Variants in GABRB1 observed in about 807,000 individuals in gnomAD.
GABRB1 encodes gamma-aminobutyric acid type A receptor subunit beta1, also known as gamma-aminobutyric acid receptor subunit beta-1.
In GABRB1, 17 loss-of-function variants were observed where a neutral mutation model predicts 51.6. The ratio of observed to expected loss-of-function variants is 0.33; its 90% confidence interval spans 0.23 to 0.49. The LOEUF (loss-of-function observed/expected upper bound fraction) is 0.49, where lower values mean the gene tolerates loss of function less well. Among genes scored for constraint, GABRB1 ranks in the 20% least tolerant of loss-of-function variants. The pLI, the probability that GABRB1 is intolerant of heterozygous loss-of-function variation, is 0.99. For synonymous variants in GABRB1, 247 were observed against 218.9 expected, an observed-to-expected ratio of 1.13 and a Z score of -1.14; for missense variants, 410 against 600.6, an observed-to-expected ratio of 0.68 and a Z score of 3.32.
chr4:47,171,753 G>T (rs1718442279), intron 4 of GABRB1, among the ~76,000 whole-genome samples: 1 of 152,042 alleles, frequency 6.6e-6, no homozygotes, highest in Admixed American at 6.6e-5. Flanking sequence ...CTCATTTATA[G>T]AATTGAGATA....
intron 5 of GABRB1, among the ~76,000 whole-genome samples, chr4:47,326,731 A>G (rs1051451946): frequency 4.6e-5 from 7 of 152,184 alleles, no homozygotes; most frequent in African/African-American, 1.7e-4. Flanking sequence ...AGCCCTCACC[A>G]GACACTAAAA....
upstream of GABRB1, among the ~76,000 whole-genome samples, chr4:47,028,132 A>G (rs1460518161): frequency 6.6e-6 from 1 of 151,726 alleles, no homozygotes; most frequent in Non-Finnish European, 1.5e-5. Flanking sequence ...TTGAAACTTT[A>G]CAATATATTT....
chr4:47,031,630 A>G lies in GABRB1; in HGVS notation c.-22A>G. ...TCCTTGAATCTTCGCAGAAAAGACAATTCTTTTAATCAGAGTTAGTAATGT... is the reference window on the plus strand; with the variant it reads ...TCCTTGAATCTTCGCAGAAAAGACAGTTCTTTTAATCAGAGTTAGTAATGT... On this transcript the variant is annotated 5_prime_UTR_variant, in exon 1 of 9. Transcript: ENST00000295454. 1 of 1,586,922 alleles carries G rather than the reference A, an allele frequency of 6.3e-7. No homozygotes were observed. The highest frequency in any genetic ancestry group is 1.7e-4 in the Middle Eastern group (1 of 6,012).
At chr4:47,019,521 C>A (rs1307747027) in intron 1 of GABRB1, among the ~76,000 whole-genome samples, 2 of 150,164 alleles carry the variant, frequency 1.3e-5, no homozygotes, top group Non-Finnish European at 3.0e-5. Context: ...GGCTGAAAGT[C>A]CAAGATAAAG....
intron 4 of GABRB1, among the ~76,000 whole-genome samples, chr4:47,290,764 G>A (rs1723696737): frequency 6.6e-6 from 1 of 152,150 alleles, no homozygotes; most frequent in African/African-American, 2.4e-5. Context: ...CTAGAGATCG[G>A]TGGAACTGTG....
chr4:47,006,422 A>T (rs897027523), intron 1 of GABRB1, among the ~76,000 whole-genome samples: 3 of 152,326 alleles, frequency 2.0e-5, no homozygotes, highest in African/African-American at 7.2e-5. Context: ...TCCTATAATG[A>T]TCATAAGATG....
At chr4:47,070,896 A>T (rs1727308119) in intron 3 of GABRB1, among the ~76,000 whole-genome samples, 1 of 152,162 alleles carries the variant, frequency 6.6e-6, no homozygotes, top group Non-Finnish European at 1.5e-5. Flanking sequence ...TCCAGCATGA[A>T]TTCCAGACTC....
intron 4 of GABRB1, among the ~76,000 whole-genome samples, chr4:47,243,611 T>C (rs1721620807): frequency 6.6e-6 from 1 of 152,206 alleles, no homozygotes. Context: ...ACATCCCTTG[T>C]AAGTTGGATT....
rs35038999 is a variant in GABRB1 at position 46,996,070 on chromosome 4, G to GT, written c.-20+2160dup. Among the ~76,000 whole-genome samples the GT allele has an allele frequency of 5.4e-3, 751 of 139,988 alleles. 2 individuals are homozygous for GT. The highest frequency in any genetic ancestry group is 6.4e-3 in the African/African-American group (242 of 38,070). The allele number at this position is 139,988 out of a possible 152,430, so 91.8% of individuals were successfully genotyped here. On this transcript the variant is annotated intron_variant, in intron 1 of 3. Transcript: ENST00000513567. ...AAAAAATATTGCCTGCTAACTTGAG[G>GT]TTTTTTTTTTTTTTTTAGAAATCTA... is the stretch of plus-strand genomic sequence containing the variant.
At chr4:47,050,133 G>A (rs890771596) in intron 3 of GABRB1, among the ~76,000 whole-genome samples, 5 of 152,020 alleles carry the variant, frequency 3.3e-5, no homozygotes, top group South Asian at 2.1e-4. Context: ...ATTCACATTC[G>A]GGCACACACA....
chr4:47,269,935 TAC>T (rs10639386), intron 4 of GABRB1, among the ~76,000 whole-genome samples: 2,727 of 136,000 alleles, frequency 0.02, 31 homozygotes, highest in African/African-American at 0.039. Flanking sequence ...CAACTCTCCC[TAC>T]ACACACACAC....
intron 3 of GABRB1, among the ~76,000 whole-genome samples, chr4:47,085,798 C>T (rs527880079): frequency 6.6e-6 from 1 of 152,316 alleles, no homozygotes; most frequent in South Asian, 2.1e-4. Flanking sequence ...GCTTTGTTCA[C>T]ATTTGACAAT....
At chr4:47,360,265 G>T (rs997315163) in intron 5 of GABRB1, among the ~76,000 whole-genome samples, 1 of 151,878 alleles carries the variant, frequency 6.6e-6, no homozygotes, top group African/African-American at 2.4e-5. Context: ...ACAGAGAGTA[G>T]GAAACATCAT....
intron 5 of GABRB1, among the ~76,000 whole-genome samples, chr4:47,355,051 T>C (rs1486158928): frequency 1.4e-5 from 2 of 140,418 alleles, no homozygotes; most frequent in Non-Finnish European, 3.1e-5. Flanking sequence ...AGTGGCGCGA[T>C]CTTGGCTCAC....
chr4:47,284,170 T>C (rs546278095), intron 4 of GABRB1, among the ~76,000 whole-genome samples: 1 of 150,298 alleles, frequency 6.7e-6, no homozygotes, highest in Non-Finnish European at 1.5e-5. Flanking sequence ...GCAAGGAGAC[T>C]GGGGTTGTCT....
At chr4:47,127,157 A>C (rs1442456673) in intron 3 of GABRB1, among the ~76,000 whole-genome samples, 1 of 151,854 alleles carries the variant, frequency 6.6e-6, no homozygotes, top group East Asian at 1.9e-4. Flanking sequence ...TAATTATAGT[A>C]TCTTTTTTGG....
At chr4:47,211,277 T>C (rs1052661431) in intron 4 of GABRB1, among the ~76,000 whole-genome samples, 12 of 152,220 alleles carry the variant, frequency 7.9e-5, no homozygotes, top group African/African-American at 2.9e-4. Flanking sequence ...TGGAGCCCAA[T>C]AGTTTGAAGC....
At chr4:47,308,984 G>C (rs1724570388) in intron 4 of GABRB1, among the ~76,000 whole-genome samples, 1 of 152,108 alleles carries the variant, frequency 6.6e-6, no homozygotes, top group Admixed American at 6.6e-5. Context: ...AAGACGATAA[G>C]AATAAAGATG....
chr4:47,354,985 T>G (rs1306454061), intron 5 of GABRB1, among the ~76,000 whole-genome samples: 15 of 86,800 alleles, frequency 1.7e-4, no homozygotes, highest in African/African-American at 5.5e-4. Flanking sequence ...CCTTTGTTTT[T>G]TTTTTTTTTT....
Sources: gnomAD v4.1 joint callset for allele counts (sites outside exome capture counted in the v4.1 genomes callset) on GRCh38, gnomAD v4.1.1 for gene constraint, MANE v1.5 for transcripts, NCBI Gene and HGNC (gene_info 2026-07-23, HGNC 2026-07-21) for gene names.